The following SOS2 variants were observed in gnomAD, a reference collection of about 807,000 sequenced individuals.
SOS2 encodes son of sevenless homolog 2.
In SOS2, 65 loss-of-function variants were observed where a neutral mutation model predicts 148.2. The observed-to-expected ratio is 0.44, with a 90% confidence interval of 0.36 to 0.54. The LOEUF (loss-of-function observed/expected upper bound fraction) is 0.54. Ranked by LOEUF, SOS2 falls within the 20% of genes least tolerant of loss-of-function variation. The pLI, the probability that SOS2 is intolerant of heterozygous loss-of-function variation, is 0.00. For missense variants in SOS2, 1,341 were observed against 1,590.2 expected (o/e 0.84, Z 2.67); for synonymous variants, 539 against 537.1 (o/e 1.00, Z -0.05).
At chr14:50,149,239 A>G (rs948688002) in intron 14 of SOS2, among the ~76,000 whole-genome samples, 15 of 152,182 alleles carry the variant, frequency 9.9e-5, no homozygotes, top group Non-Finnish European at 1.3e-4. Flanking sequence ...ACTACTCACA[A>G]TAGCTATGAT....
Position 50,231,287 on chromosome 14 carries a change from C to G in SOS2, c.-4G>C. The G allele has an allele frequency of 7.0e-7, 1 of 1,423,710 alleles. No individual in the cohort carries two copies. Among genetic ancestry groups the G allele is most frequent in the Non-Finnish European group, 9.3e-7 (1 of 1,069,840 alleles). 88.2% of individuals were successfully genotyped at this position (1,423,710 alleles called of 1,614,324 possible). Reference sequence around the variant, plus strand: ...AAGGCTGCGGCGCCTGCTGCATGGCCCCGGCGACAGCGCCTCCGCATCGGG... The same window carrying G: ...AAGGCTGCGGCGCCTGCTGCATGGCGCCGGCGACAGCGCCTCCGCATCGGG... On this transcript the variant is annotated 5_prime_UTR_variant, in exon 1 of 23. Coordinates refer to ENST00000216373, the MANE Select transcript of SOS2 (RefSeq NM_006939.4).
chr14:50,180,880 GAAGAA>G (rs752298939), intron 6 of SOS2, among the ~76,000 whole-genome samples, 198 bp from the exon 7 acceptor site: 71 of 151,780 alleles, frequency 4.7e-4, no homozygotes, highest in Non-Finnish European at 8.8e-4. Context: ...AAAGAGAAGA[GAAGAA>G]GAAAGATTTC....
intron 21 of SOS2, among the ~76,000 whole-genome samples, chr14:50,129,383 T>C (rs117937582): frequency 0.02 from 3,084 of 152,208 alleles, 44 homozygotes; most frequent in Non-Finnish European, 0.032. Context: ...TGTTTGTTTG[T>C]TTTGTTGTTT....
rs1887547604 is a variant in SOS2, at chr14:50,231,531, G to C, written c.-248C>G. 1.3e-5 allele frequency: 2 copies of C among 151,732 alleles called. No homozygotes were observed. The highest frequency in any genetic ancestry group is 2.4e-5 in the African/African-American group (1 of 41,372). 9.4% of individuals were successfully genotyped at this position (151,732 alleles called of 1,614,324 possible). ...GAAGCGCGGCGACCCGCAAGCCCGG[G>C]CGACCCCGGGCGGCGACCTCCTTTC... is the stretch of plus-strand genomic sequence containing the variant. On this transcript the variant is annotated 5_prime_UTR_variant, in exon 1 of 23. Coordinates refer to ENST00000216373, the MANE Select transcript of SOS2 (RefSeq NM_006939.4).
chr14:50,212,720 A>G (rs1052997425), intron 1 of SOS2, among the ~76,000 whole-genome samples: 6 of 152,240 alleles, frequency 3.9e-5, no homozygotes, highest in Admixed American at 3.9e-4. Flanking sequence ...TCAATAAAAT[A>G]AGTCTAAAGG....
intron 8 of SOS2, among the ~76,000 whole-genome samples, chr14:50,162,696 A>C (rs1566832650): frequency 6.6e-6 from 1 of 152,298 alleles, no homozygotes; most frequent in East Asian, 1.9e-4. Flanking sequence ...GCTATTTTTT[A>C]CAATATGAAA....
At chr14:50,129,823 G>A in intron 21 of SOS2, 138 bp downstream of exon 21, 1 of 586,614 alleles carries the variant, frequency 1.7e-6, no homozygotes, top group Non-Finnish European at 3.0e-6. Flanking sequence ...GTAGTACACA[G>A]TTGTAAGCAA....
intron 18 of SOS2, among the ~76,000 whole-genome samples, chr14:50,137,204 T>C (rs1884110134): frequency 1.3e-5 from 2 of 152,328 alleles, no homozygotes; most frequent in Admixed American, 1.3e-4. Context: ...TCATATTTTA[T>C]AGTACTATAG....
intron 21 of SOS2, among the ~76,000 whole-genome samples, chr14:50,125,426 G>C (rs1326170847): frequency 6.6e-6 from 1 of 152,220 alleles, no homozygotes; most frequent in African/African-American, 2.4e-5. Context: ...TACTCAGTTT[G>C]TGGTGCTTTG....
intron 8 of SOS2, 101 bp downstream of exon 8, chr14:50,174,353 A>G (rs1238474597): frequency 4.3e-6 from 2 of 462,978 alleles, no homozygotes; most frequent in Non-Finnish European, 3.8e-6. Flanking sequence ...CTTACATAAA[A>G]TAAGAATTAA....
intron 7 of SOS2, among the ~76,000 whole-genome samples, chr14:50,177,844 G>T (rs530216255): frequency 6.6e-6 from 1 of 152,234 alleles, no homozygotes; most frequent in East Asian, 1.9e-4. Flanking sequence ...AGTGCGTTTA[G>T]GGTATCCAAG....
intron 1 of SOS2, among the ~76,000 whole-genome samples, chr14:50,229,735 C>T (rs9788447): frequency 0.27 from 41,114 of 152,012 alleles, 6,239 homozygotes; most frequent in East Asian, 0.45. Flanking sequence ...CAACACACAC[C>T]CAAATACTAT....
At chr14:50,181,319 G>A (rs564790439) in intron 6 of SOS2, among the ~76,000 whole-genome samples, 63 of 152,162 alleles carry the variant, frequency 4.1e-4, no homozygotes, top group African/African-American at 1.4e-3. Context: ...GTGGTGGCAG[G>A]CGCCTGTAAT....
At chr14:50,157,150 C>A in intron 11 of SOS2, 29 bp from the exon 12 acceptor site, 1 of 1,602,822 alleles carries the variant, frequency 6.2e-7, no homozygotes, top group South Asian at 1.1e-5. Flanking sequence ...GGAGAAAAAT[C>A]CGTTCATACA....
chr14:50,172,974 C>T (rs1057365158), intron 8 of SOS2, among the ~76,000 whole-genome samples: 10 of 152,228 alleles, frequency 6.6e-5, no homozygotes, highest in South Asian at 6.2e-4. Flanking sequence ...ACTGTAATTC[C>T]CACATATCTT....
chr14:50,216,627 C>G (rs1887047778), intron 1 of SOS2, among the ~76,000 whole-genome samples: 2 of 151,824 alleles, frequency 1.3e-5, no homozygotes, highest in Admixed American at 1.3e-4. Flanking sequence ...GGCAGCTACT[C>G]TGGAGGCTGA....
chr14:50,147,041 A>AC (rs1884504039), intron 14 of SOS2, among the ~76,000 whole-genome samples: 1 of 130,794 alleles, frequency 7.6e-6, no homozygotes, highest in Non-Finnish European at 1.8e-5. Flanking sequence ...AAAAAATAAA[A>AC]CAAAAAAAAA....
At chr14:50,138,885 T>A (rs1417995381) in intron 17 of SOS2, 101 bp from the exon 18 acceptor site, 8 of 481,988 alleles carry the variant, frequency 1.7e-5, no homozygotes, top group Non-Finnish European at 2.5e-5. Context: ...TTGAAAGACA[T>A]CCTATACTAT....
intron 1 of SOS2, among the ~76,000 whole-genome samples, chr14:50,206,741 TAA>T (rs774124621): frequency 5.4e-5 from 8 of 149,242 alleles, no homozygotes; most frequent in Non-Finnish European, 4.4e-5. Context: ...TGAGATTTTT[TAA>T]AAGGTTTTTA....
Sources: gnomAD v4.1 joint callset for allele counts (sites outside exome capture counted in the v4.1 genomes callset) on GRCh38, gnomAD v4.1.1 for gene constraint, MANE v1.5 for transcripts, NCBI Gene and HGNC (gene_info 2026-07-23, HGNC 2026-07-21) for gene names.